The following TOP3A variants were observed in gnomAD, a reference collection of about 807,000 sequenced individuals.
TOP3A encodes DNA topoisomerase 3-alpha.
In TOP3A, 64 loss-of-function variants were observed where a neutral mutation model predicts 111.3. The observed-to-expected ratio is 0.57, with a 90% CI of 0.47 to 0.71. The LOEUF is 0.71. Ranked by LOEUF, TOP3A falls within the 30% of genes least tolerant of loss-of-function variation. TOP3A has a pLI of 0.00. For missense variants in TOP3A, 1,104 were observed against 1,285.0 expected, an observed-to-expected ratio of 0.86 and a Z score of 2.15; for synonymous variants, 484 against 485.1, an observed-to-expected ratio of 1.00 and a Z score of 0.03.
chr17:18,282,581 G>A, intron 16 of TOP3A, 117 bp downstream of exon 16: 1 of 1,443,552 alleles, frequency 6.9e-7, no homozygotes, highest in Non-Finnish European at 9.5e-7. Flanking sequence ...CTGCAGGTTG[G>A]CAACAACAGG....
At chr17:18,291,290 G>C (rs1331565115) in intron 11 of TOP3A, among the ~76,000 whole-genome samples, 1 of 152,208 alleles carries the variant, frequency 6.6e-6, no homozygotes, top group African/African-American at 2.4e-5. Flanking sequence ...TGATGTAAAC[G>C]CAATCTAAGC....
intron 18 of TOP3A, among the ~76,000 whole-genome samples, chr17:18,276,347 A>ATGTC (rs769515539): frequency 5.3e-5 from 8 of 152,238 alleles, no homozygotes; most frequent in Non-Finnish European, 1.2e-4. Flanking sequence ...GTCAGATACC[A>ATGTC]TGTCCTTCCA....
chr17:18,295,788 A>C (rs1294290916), intron 9 of TOP3A, among the ~76,000 whole-genome samples: 1 of 139,428 alleles, frequency 7.2e-6, no homozygotes, highest in Admixed American at 7.3e-5. Flanking sequence ...TTTTTTTCAC[A>C]TGGAGTCTTG....
intron 1 of TOP3A, among the ~76,000 whole-genome samples, chr17:18,310,813 C>G (rs961744309): frequency 1.3e-5 from 2 of 152,152 alleles, no homozygotes; most frequent in African/African-American, 4.8e-5. Context: ...CTCTAAGATT[C>G]TTATGATCTG....
At chr17:18,290,015 G>A (rs1328222559) in intron 13 of TOP3A, among the ~76,000 whole-genome samples, 1 of 152,208 alleles carries the variant, frequency 6.6e-6, no homozygotes, top group Non-Finnish European at 1.5e-5. Context: ...CTTGAGCCAT[G>A]GGACTTATCA....
chr17:18,300,990 C>G (rs1981191836), intron 8 of TOP3A, among the ~76,000 whole-genome samples: 1 of 152,184 alleles, frequency 6.6e-6, no homozygotes, highest in Non-Finnish European at 1.5e-5. Context: ...CTATCACTGC[C>G]TTCAGAGGCA....
chr17:18,298,984 T>G (rs939625567), intron 9 of TOP3A, among the ~76,000 whole-genome samples: 46 of 151,036 alleles, frequency 3.0e-4, no homozygotes, highest in African/African-American at 9.5e-4. Context: ...CTGCTGACCT[T>G]CCCTCCACTA....
At chr17:18,305,255 A>G in intron 4 of TOP3A, 35 bp from the exon 5 acceptor site, 1 of 1,530,972 alleles carries the variant, frequency 6.5e-7, no homozygotes, top group African/African-American at 1.4e-5. Flanking sequence ...TGGTGAGAAC[A>G]GAATTGCACA....
intron 18 of TOP3A, among the ~76,000 whole-genome samples, chr17:18,276,011 CTG>C (rs1366718766): frequency 6.6e-6 from 1 of 152,200 alleles, no homozygotes; most frequent in African/African-American, 2.4e-5. Flanking sequence ...TCCCTTCACA[CTG>C]TGTCCAACTC....
In TOP3A at chr17:18,306,950, G is replaced by C. The variant is rs762449376; in HGVS notation, c.331C>G (p.Leu111Val). 1.5e-5 allele frequency: 25 copies of C among 1,613,680 alleles called. No homozygotes were observed. Among genetic ancestry groups the C allele is most frequent in the Non-Finnish European group, 1.9e-5 (23 of 1,179,788 alleles). ...TCAATTTCTGCTTCAAAGAGGACAA[G>C]AGGGTTGCAGCTCTGCCTAGAAAAG... ...QFRKWQSCNPLVLFEAEIEKY... is the reference protein window; with the variant it reads ...QFRKWQSCNPVVLFEAEIEKY... Residue 111 changes from leucine (L) to valine (V), a missense_variant, in exon 4 of 19, where the codon CTT becomes GTT. Coordinates refer to ENST00000321105, the MANE Select transcript of TOP3A (RefSeq NM_004618.5).
chr17:18,299,724 C>T (rs1423073394), intron 8 of TOP3A, 91 bp from the exon 9 acceptor site: 3 of 1,204,358 alleles, frequency 2.5e-6, no homozygotes, highest in African/African-American at 1.5e-5. Flanking sequence ...CCTTCTAGAT[C>T]ACACTGACCA....
intron 17 of TOP3A, among the ~76,000 whole-genome samples, chr17:18,279,476 TCGA>T (rs1352132714): frequency 1.1e-5 from 1 of 87,284 alleles, no homozygotes; most frequent in Admixed American, 9.8e-5. Context: ...CAGGATGGTC[TCGA>T]TCTCCTGACC....
At position 18,285,277 on chromosome 17, in the gene TOP3A, T is replaced by C. The variant is rs1240930558; in HGVS notation, c.1742A>G (p.Lys581Arg). The change falls in exon 15 of 19, where the codon AAG (lysine) becomes AGG (arginine). Residue 581 changes from lysine to arginine, a missense_variant. By Grantham distance (26) the Lys-to-Arg change is conservative. Coordinates refer to ENST00000321105, the MANE Select transcript of TOP3A (RefSeq NM_004618.5). ...GYDSMGYEMS[K>R]PDLRAELEAD... ...TTCCAGTTCAGCCCGGAGGTCAGGC[T>C]TAGACATTTCATAGCCCATGGAATC... 2 of 1,614,054 alleles carry C rather than the reference T, an allele frequency of 1.2e-6. No individual in the cohort carries two copies. Among genetic ancestry groups the C allele is most frequent in the African/African-American group, 2.7e-5 (2 of 74,910 alleles).
chr17:18,292,425 C>T (rs1980533925), intron 11 of TOP3A, among the ~76,000 whole-genome samples: 1 of 152,286 alleles, frequency 6.6e-6, no homozygotes, highest in South Asian at 2.1e-4. Flanking sequence ...GCAGCAGGAG[C>T]TGATGGAGAG....
rs112022164 is a variant in TOP3A, at chr17:18,314,791, C to A, written c.-13G>T. 8.7e-6 allele frequency: 13 copies of A among 1,500,404 alleles called. No homozygotes were observed. The highest frequency in any genetic ancestry group is 1.2e-5 in the Non-Finnish European group (13 of 1,120,124). The allele number at this position is 1,500,404 out of a possible 1,614,324, so 92.9% of individuals were successfully genotyped here. A position where few individuals can be genotyped will look rare whatever the true frequency, so the allele number is the denominator to read the frequency against. ...CAGGAAAGATCATCCTCAGACCTCG[C>A]GCCCGGAGCCGCTCCCCGGCTGCCG... On this transcript the variant is annotated 5_prime_UTR_variant, in exon 1 of 19. Coordinates refer to ENST00000321105, the MANE Select transcript of TOP3A (RefSeq NM_004618.5).
intron 8 of TOP3A, among the ~76,000 whole-genome samples, chr17:18,301,221 G>T (rs1278156951): frequency 6.6e-6 from 1 of 152,176 alleles, no homozygotes; most frequent in African/African-American, 2.4e-5. Context: ...AATAGGAAGT[G>T]GCATCAGAAA....
chr17:18,310,370 G>A (rs939381872), intron 1 of TOP3A, among the ~76,000 whole-genome samples: 1 of 152,248 alleles, frequency 6.6e-6, no homozygotes, highest in Non-Finnish European at 1.5e-5. Flanking sequence ...TGGTTACAAT[G>A]AGCCGAGATC....
At chr17:18,301,810 C>T (rs566557112) in intron 8 of TOP3A, 75 bp downstream of exon 8, 6 of 1,266,322 alleles carry the variant, frequency 4.7e-6, no homozygotes, top group Non-Finnish European at 6.8e-6. Context: ...GAGAATGAGA[C>T]AGATCACCTC....
chr17:18,314,064 C>G (rs1307758263), intron 1 of TOP3A, among the ~76,000 whole-genome samples: 4 of 152,128 alleles, frequency 2.6e-5, no homozygotes, highest in African/African-American at 4.8e-5. Context: ...GGGCTGACTT[C>G]AAATCTAATC....
Sources: gnomAD v4.1 joint callset for allele counts (sites outside exome capture counted in the v4.1 genomes callset) on GRCh38, gnomAD v4.1.1 for gene constraint, MANE v1.5 for transcripts, NCBI Gene and HGNC (gene_info 2026-07-23, HGNC 2026-07-21) for gene names.